ASH1L: variants seen among roughly 807,000 people sequenced by gnomAD.
The protein encoded by ASH1L is histone-lysine N-methyltransferase ASH1L.
A neutral mutation model predicts 269.0 loss-of-function variants in ASH1L; 23 were observed. The ratio of observed to expected loss-of-function variants is 0.09; its 90% confidence interval spans 0.06 to 0.12. The LOEUF (loss-of-function observed/expected upper bound fraction) is 0.12, where lower values mean the gene tolerates loss of function less well. Ranked by LOEUF, ASH1L falls within the 10% of genes least tolerant of loss-of-function variation. The probability of loss-of-function intolerance (pLI) is 1.00; values close to 1 mark genes in which losing one functional copy is unlikely to be tolerated. For synonymous variants in ASH1L, 1,187 were observed against 1,253.5 expected, an observed-to-expected ratio of 0.95 and a Z score of 1.12; for missense variants, 2,912 against 3,567.8, an observed-to-expected ratio of 0.82 and a Z score of 4.68.
chr1:155,372,483 A>G (rs1194761727), intron 10 of ASH1L, among the ~76,000 whole-genome samples: 1 of 150,032 alleles, frequency 6.7e-6, no homozygotes, highest in Non-Finnish European at 1.5e-5. Flanking sequence ...TAATTTTCGT[A>G]TTTGTAGTAG....
In ASH1L at chr1:155,354,640, A is replaced by C. The variant is rs746056082; in HGVS notation, c.7056-10T>G. ...CTTTAACACAAAGTTCCTGCAAGGA[A>C]GGAAAAAAAATCTTCCTTTATTCAT... On this transcript the variant is annotated splice_polypyrimidine_tract_variant and intron_variant, in intron 15 of 27. Transcript: ENST00000392403. 4.4e-6 allele frequency: 7 copies of C among 1,604,794 alleles called. No individual in the cohort carries two copies. Among genetic ancestry groups the C allele is most frequent in the Non-Finnish European group, 4.2e-6 (5 of 1,177,422 alleles).
intron 10 of ASH1L, among the ~76,000 whole-genome samples, chr1:155,374,750 A>G (rs1282914709): frequency 6.6e-6 from 1 of 152,042 alleles, no homozygotes; most frequent in Non-Finnish European, 1.5e-5. Flanking sequence ...TCCTTTTTCT[A>G]GAGAGCTGAT....
In ASH1L at chr1:155,381,320, C is replaced by T. The variant is rs766372336; in HGVS notation, c.6104-1204G>A. The stretch of plus-strand genomic sequence containing the variant: ...CTGTAATCCCAGCACTTTGGGAGGC[C>T]GAGGCAGGTAGATCACGAGGTCAGG... On this transcript the variant is annotated intron_variant, in intron 7 of 27. Transcript: ENST00000392403. Among the ~76,000 whole-genome samples the T allele has an allele frequency of 1.5e-4, 22 of 150,662 alleles. No individual in the cohort carries two copies. In the South Asian group the frequency reaches 2.5e-3, roughly 17 times the overall value.
In ASH1L at chr1:155,349,443, C is replaced by T; in HGVS notation, c.7438G>A (p.Glu2480Lys). ...PPKKKNADYYEKISDPLDLIT... is the reference protein window; with the variant it reads ...PPKKKNADYYKKISDPLDLIT... ...AGATCTAGGGGATCAGAGATCTTCT[C>T]ATAATAATCAGCATTCCTGGAACAC... The change falls in exon 19 of 28, where the codon GAG becomes AAG. Residue 2480 changes from glutamate to lysine, a missense_variant. By Grantham distance (56) the Glu-to-Lys change is moderately conservative (BLOSUM62 1). Transcript: ENST00000392403. The T allele has an allele frequency of 6.2e-7, 1 of 1,614,142 alleles. No homozygotes were observed.
At chr1:155,469,557 C>G (rs1001673199) in intron 3 of ASH1L, among the ~76,000 whole-genome samples, 3 of 152,196 alleles carry the variant, frequency 2.0e-5, no homozygotes, top group East Asian at 3.8e-4. Flanking sequence ...CATTCCTTCT[C>G]ATAGCCTTAA....
intron 5 of ASH1L, among the ~76,000 whole-genome samples, chr1:155,423,624 T>C (rs1305393448): frequency 6.6e-6 from 1 of 152,144 alleles, no homozygotes. Context: ...CAATATGAGA[T>C]AAAAAGATAC....
intron 25 of ASH1L, among the ~76,000 whole-genome samples, chr1:155,341,548 T>C (rs1652819713): frequency 6.6e-6 from 1 of 152,192 alleles, no homozygotes; most frequent in African/African-American, 2.4e-5. Flanking sequence ...TGAATTATTT[T>C]CTGTGAAGGT....
Position 155,521,311 on chromosome 1 carries a change from T to C in ASH1L, c.209A>G (p.Gln70Arg), listed in dbSNP as rs142234064. 49 of 1,613,898 alleles carry C rather than the reference T, an allele frequency of 3.0e-5. No homozygotes were observed. The African/African-American group carries it at 6.1e-4, about 20-fold the overall frequency. The change falls in exon 2 of 28, where the codon CAG becomes CGG. Residue 70 changes from glutamine to arginine, a missense_variant. Gln to Arg is a conservative substitution (Grantham distance 43). Around this residue, in one of 13 missense-constraint regions of ASH1L, gnomAD observed 115 missense variants for 101.5 expected, o/e 1.13. Coordinates refer to ENST00000392403, the MANE Select transcript of ASH1L (RefSeq NM_018489.3). ...AGKDDGLTDAQQQFSVKETNF... is the reference protein window; with the variant it reads ...AGKDDGLTDARQQFSVKETNF... ...TGTTTCTTTCACTGAAAACTGTTGCTGTGCATCAGTCAAACCATCATCTTT... is the reference window on the plus strand; with the variant it reads ...TGTTTCTTTCACTGAAAACTGTTGCCGTGCATCAGTCAAACCATCATCTTT...
intron 13 of ASH1L, among the ~76,000 whole-genome samples, chr1:155,359,529 C>G (rs572301844): frequency 6.6e-6 from 1 of 152,266 alleles, no homozygotes; most frequent in African/African-American, 2.4e-5. Flanking sequence ...CCTGCCTTGG[C>G]CTCCCAAAGT....
At chr1:155,410,134 C>T (rs59633238) in intron 6 of ASH1L, among the ~76,000 whole-genome samples, 7,909 of 151,576 alleles carry the variant, frequency 0.052, 693 homozygotes, top group African/African-American at 0.18. Context: ...CTTTCTTTTT[C>T]TGAGACAGGG....
intron 2 of ASH1L, among the ~76,000 whole-genome samples, chr1:155,515,931 C>T (rs1668474957): frequency 6.6e-6 from 1 of 151,760 alleles, no homozygotes; most frequent in Non-Finnish European, 1.5e-5. Flanking sequence ...GGAGATTAGC[C>T]TACATACTAT....
At chr1:155,358,118 G>A (rs1654577808) in intron 13 of ASH1L, among the ~76,000 whole-genome samples, 1 of 151,998 alleles carries the variant, frequency 6.6e-6, no homozygotes, top group African/African-American at 2.4e-5. Flanking sequence ...AGCTTAAAGA[G>A]GATTCCTGAG....
At chr1:155,465,601 T>C (rs1342851043) in intron 3 of ASH1L, among the ~76,000 whole-genome samples, 1 of 152,216 alleles carries the variant, frequency 6.6e-6, no homozygotes, top group Non-Finnish European at 1.5e-5. Flanking sequence ...ATAATTTACT[T>C]TAAAAGTTTC....
intron 2 of ASH1L, among the ~76,000 whole-genome samples, chr1:155,518,012 G>C (rs1344034396): frequency 6.6e-6 from 1 of 151,592 alleles, no homozygotes; most frequent in African/African-American, 2.4e-5. Context: ...GTTTTAGCCG[G>C]GATGGTCTCG....
At chr1:155,437,332 T>C (rs1446779644) in intron 5 of ASH1L, among the ~76,000 whole-genome samples, 3 of 152,154 alleles carry the variant, frequency 2.0e-5, no homozygotes, top group Non-Finnish European at 2.9e-5. Context: ...AAATGGCCAA[T>C]AAGCGTATGA....
At chr1:155,451,770 G>A (rs1663491500) in intron 4 of ASH1L, among the ~76,000 whole-genome samples, 1 of 152,114 alleles carries the variant, frequency 6.6e-6, no homozygotes, top group Admixed American at 6.5e-5. Context: ...CTCCTAGGCT[G>A]GAGTGCACTG....
intron 6 of ASH1L, among the ~76,000 whole-genome samples, chr1:155,407,136 T>C (rs1473803510): frequency 1.3e-5 from 2 of 152,084 alleles, no homozygotes; most frequent in Non-Finnish European, 2.9e-5. Flanking sequence ...GGCAGGAGAA[T>C]TGCTTGAACC....
intron 5 of ASH1L, chr1:155,434,303 G>C: frequency 6.4e-7 from 1 of 1,568,692 alleles, no homozygotes; most frequent in South Asian, 1.2e-5. Context: ...GGGGAGGGGA[G>C]GAGCTAGGGA....
intron 1 of ASH1L, among the ~76,000 whole-genome samples, chr1:155,558,709 T>C (rs1352866325): frequency 6.6e-6 from 1 of 152,060 alleles, no homozygotes; most frequent in Non-Finnish European, 1.5e-5. Flanking sequence ...TTTTTTAACT[T>C]TCTGTAGAAA....
Sources: allele counts gnomAD v4.1 joint callset (sites outside exome capture counted in the v4.1 genomes callset), GRCh38; gene constraint gnomAD v4.1.1; regional missense constraint gnomAD v4.1.1; transcripts MANE v1.5; gene names NCBI Gene and HGNC (gene_info 2026-07-23, HGNC 2026-07-21).